ERC2: variants seen among roughly 807,000 people sequenced by gnomAD.
The protein encoded by ERC2 is ERC protein 2.
Under a neutral mutation model 114.8 loss-of-function variants are expected in ERC2, and 42 were observed. The observed-to-expected ratio is 0.37, with a 90% CI of 0.29 to 0.47. The LOEUF (loss-of-function observed/expected upper bound fraction) is 0.47. Among genes scored for constraint, ERC2 ranks in the 20% least tolerant of loss-of-function variants. ERC2 has a pLI of 0.99. For missense variants in ERC2, 939 were observed against 1,150.7 expected (o/e 0.82, Z 2.66); for synonymous variants, 454 against 425.5 (o/e 1.07, Z -0.82).
chr3:56,299,105 T>A (rs551177502), intron 2 of ERC2, among the ~76,000 whole-genome samples: 1 of 147,272 alleles, frequency 6.8e-6, no homozygotes, highest in East Asian at 2.0e-4. Flanking sequence ...AGTTTTTTTT[T>A]GTTTTTTTTT....
intron 12 of ERC2, among the ~76,000 whole-genome samples, chr3:55,958,309 T>C (rs2068106070): frequency 6.6e-6 from 1 of 152,144 alleles, no homozygotes; most frequent in Middle Eastern, 3.2e-3. Context: ...CCAACATCTG[T>C]GTGAATCTGG....
chr3:56,044,765 G>A (rs1343072403), intron 7 of ERC2, among the ~76,000 whole-genome samples: 1 of 152,130 alleles, frequency 6.6e-6, no homozygotes, highest in South Asian at 2.1e-4. Flanking sequence ...TTCATTTTTG[G>A]ACTCTTGCAT....
At position 55,694,960 on chromosome 3, in the gene ERC2, G is replaced by A. The variant is rs147823221; in HGVS notation, c.2847+4418C>T. Among the ~76,000 whole-genome samples, 16 of 152,328 alleles carry A rather than the reference G, an allele frequency of 1.1e-4. No homozygotes were observed. The South Asian group carries it at 2.3e-3, about 22-fold the overall frequency. ...TCACCAGGTTAGTCTATACCTGGGA[G>A]CCAATGGAATGAGCTTAATAAAATA... is the stretch of plus-strand genomic sequence containing the variant. On this transcript the variant is annotated intron_variant, in intron 16 of 17. Transcript: ENST00000288221.
intron 3 of ERC2, among the ~76,000 whole-genome samples, chr3:56,220,857 A>T (rs549011471): frequency 6.6e-6 from 1 of 152,214 alleles, no homozygotes; most frequent in East Asian, 1.9e-4. Context: ...AAGACTCTTA[A>T]GGTCGAGAAT....
At chr3:55,673,852 C>T (rs929960761) in intron 17 of ERC2, among the ~76,000 whole-genome samples, 2 of 145,262 alleles carry the variant, frequency 1.4e-5, no homozygotes, top group African/African-American at 5.2e-5. Flanking sequence ...TACAGAAACT[C>T]CTTTCAAATA....
At chr3:56,382,456 CT>C (rs915247969) in intron 2 of ERC2, among the ~76,000 whole-genome samples, 6 of 152,142 alleles carry the variant, frequency 3.9e-5, no homozygotes, top group Non-Finnish European at 8.8e-5. Flanking sequence ...CAGAATCAAA[CT>C]TTCCCCCCAC....
intron 17 of ERC2, among the ~76,000 whole-genome samples, chr3:55,587,769 T>C (rs1441858945): frequency 1.3e-5 from 2 of 152,220 alleles, no homozygotes; most frequent in African/African-American, 4.8e-5. Flanking sequence ...GCGGTTTTTG[T>C]GTGCCAAACC....
chr3:55,824,205 C>T lies in ERC2; in HGVS notation c.2564+64184G>A, dbSNP rs2060237549. Reference sequence around the variant, plus strand: ...TCTGAGAGACCAGGATTTGGGCCTACAACATAGAATTGAGGGGGTGGCCAA... The same window carrying T: ...TCTGAGAGACCAGGATTTGGGCCTATAACATAGAATTGAGGGGGTGGCCAA... On this transcript the variant is annotated intron_variant, in intron 14 of 17. Transcript: ENST00000288221. Among the ~76,000 whole-genome samples the T allele has an allele frequency of 2.6e-5, 4 of 152,264 alleles. No homozygotes were observed. In the South Asian group the frequency reaches 8.3e-4, roughly 32 times the overall value.
At chr3:56,183,154 C>G (rs1051353973) in intron 3 of ERC2, among the ~76,000 whole-genome samples, 2 of 152,108 alleles carry the variant, frequency 1.3e-5, no homozygotes, top group African/African-American at 4.8e-5. Context: ...TGACCCCATA[C>G]CAGGCCACCA....
chr3:56,213,714 C>T (rs1398543154), intron 3 of ERC2, among the ~76,000 whole-genome samples: 1 of 152,192 alleles, frequency 6.6e-6, no homozygotes, highest in African/African-American at 2.4e-5. Context: ...GACAGACTGC[C>T]TCCTCAAGTG....
In ERC2 at chr3:55,555,310, C is replaced by T. The variant is rs574646915; in HGVS notation, c.*40-44034G>A. Among the ~76,000 whole-genome samples, 87 of 152,296 alleles carry T rather than the reference C, an allele frequency of 5.7e-4. 1 individual carries two copies. The highest frequency in any genetic ancestry group is 9.6e-4 in the Non-Finnish European group (65 of 68,022). On this transcript the variant is annotated intron_variant, in intron 17 of 17. Transcript: ENST00000288221. ...GTCTTGACCGGTGGAGAAACCCTAT[C>T]GGCCCCAGCTTGAGCACATCTGAGC...
At chr3:56,022,177 A>G (rs2073763771) in intron 7 of ERC2, among the ~76,000 whole-genome samples, 2 of 152,248 alleles carry the variant, frequency 1.3e-5, no homozygotes, top group South Asian at 4.1e-4. Context: ...AAATGAAAAT[A>G]GTAGATCTTT....
chr3:56,426,901 C>T (rs1417426360), intron 2 of ERC2, among the ~76,000 whole-genome samples: 1 of 151,822 alleles, frequency 6.6e-6, no homozygotes, highest in Non-Finnish European at 1.5e-5. Context: ...GTGGCTCACC[C>T]CTGTAATCCT....
chr3:55,728,390 T>A (rs201008631), intron 15 of ERC2, among the ~76,000 whole-genome samples: 1 of 152,150 alleles, frequency 6.6e-6, no homozygotes, highest in East Asian at 1.9e-4. Context: ...TTTGACCCAA[T>A]TGAGCAAGTC....
chr3:55,641,409 G>A (rs1559786530), intron 17 of ERC2, among the ~76,000 whole-genome samples: 1 of 151,856 alleles, frequency 6.6e-6, no homozygotes, highest in Non-Finnish European at 1.5e-5. Context: ...AATTAGCTGG[G>A]CATGGTGGCG....
chr3:56,325,183 G>A (rs995170475), intron 2 of ERC2, among the ~76,000 whole-genome samples: 2 of 152,138 alleles, frequency 1.3e-5, no homozygotes. Flanking sequence ...GGTGGCTCAC[G>A]TCTGTAATCC....
At chr3:55,710,488 G>T in intron 15 of ERC2, among the ~76,000 whole-genome samples, 1 of 148,868 alleles carries the variant, frequency 6.7e-6, no homozygotes, top group East Asian at 2.0e-4. Flanking sequence ...TCATATGGTT[G>T]TTTTTTTTTT....
intron 14 of ERC2, among the ~76,000 whole-genome samples, chr3:55,780,801 A>T (rs1160941563): frequency 6.6e-6 from 1 of 152,184 alleles, no homozygotes; most frequent in Non-Finnish European, 1.5e-5. Flanking sequence ...AATTCAGCCA[A>T]ATCTGCCATG....
intron 14 of ERC2, among the ~76,000 whole-genome samples, chr3:55,797,059 A>T (rs538451259): frequency 2.0e-5 from 3 of 152,342 alleles, no homozygotes; most frequent in African/African-American, 7.2e-5. Flanking sequence ...GAACAAACTT[A>T]AAATATTTTA....
Sources: gnomAD v4.1 joint callset for allele counts (sites outside exome capture counted in the v4.1 genomes callset) on GRCh38, gnomAD v4.1.1 for gene constraint, MANE v1.5 for transcripts, NCBI Gene and HGNC (gene_info 2026-07-23, HGNC 2026-07-21) for gene names.